Variants in MECOM observed in about 807,000 individuals in gnomAD.
The protein encoded by MECOM is histone-lysine N-methyltransferase MECOM.
In MECOM, 13 loss-of-function variants were observed where a neutral mutation model predicts 116.3. That is an observed-to-expected ratio of 0.11 (90% CI 0.07 to 0.18). The LOEUF is 0.18. Ranked by LOEUF, MECOM falls within the 10% of genes least tolerant of loss-of-function variation. MECOM has a pLI of 1.00. For missense variants in MECOM, 1,299 were observed against 1,509.0 expected (o/e 0.86, Z 2.31); for synonymous variants, 528 against 535.2 (o/e 0.99, Z 0.19).
At chr3:169,569,891 G>C (rs914631397) in intron 1 of MECOM, among the ~76,000 whole-genome samples, 4 of 152,060 alleles carry the variant, frequency 2.6e-5, no homozygotes, top group African/African-American at 9.7e-5. Context: ...GGAGAAAGCA[G>C]GAAAGATCTA....
intron 2 of MECOM, among the ~76,000 whole-genome samples, chr3:169,319,783 A>C (rs1388161001): frequency 6.6e-6 from 1 of 152,214 alleles, no homozygotes; most frequent in Non-Finnish European, 1.5e-5. Flanking sequence ...TACCTACTTC[A>C]GAGGGTTGTT....
chr3:169,384,973 G>T (rs1733068002), intron 1 of MECOM, among the ~76,000 whole-genome samples: 1 of 151,814 alleles, frequency 6.6e-6, no homozygotes, highest in South Asian at 2.1e-4. Context: ...GCATAGTGGT[G>T]CATGCCTGTA....
chr3:169,570,151 G>A (rs1229132719), intron 1 of MECOM, among the ~76,000 whole-genome samples: 1 of 151,956 alleles, frequency 6.6e-6, no homozygotes, highest in Admixed American at 6.6e-5. Flanking sequence ...TTATAAAGGG[G>A]ATATTATCAT....
intron 2 of MECOM, among the ~76,000 whole-genome samples, chr3:169,222,054 C>G (rs191846407): frequency 2.2e-4 from 34 of 152,274 alleles, no homozygotes; most frequent in Middle Eastern, 6.8e-3. Context: ...AGATCACTAG[C>G]TATGTTTCAA....
intron 2 of MECOM, among the ~76,000 whole-genome samples, chr3:169,368,546 T>C (rs527738020): frequency 4.2e-4 from 64 of 152,184 alleles, no homozygotes; most frequent in Admixed American, 1.5e-3. Context: ...CTACCTTCAT[T>C]TGATGAAACA....
At chr3:169,179,787 G>A (rs1037520432) in intron 2 of MECOM, among the ~76,000 whole-genome samples, 3 of 152,184 alleles carry the variant, frequency 2.0e-5, no homozygotes, top group Non-Finnish European at 4.4e-5. Flanking sequence ...AATTCAGCTC[G>A]TTAAAAGGAC....
chr3:169,559,126 G>A (rs751669094), intron 1 of MECOM, among the ~76,000 whole-genome samples: 2 of 151,950 alleles, frequency 1.3e-5, no homozygotes, highest in Admixed American at 1.3e-4. Context: ...TAGCAGGGGC[G>A]AAGTTTGGAT....
At chr3:169,400,806 T>A (rs1026291205) in intron 1 of MECOM, among the ~76,000 whole-genome samples, 8 of 152,220 alleles carry the variant, frequency 5.3e-5, no homozygotes, top group African/African-American at 1.9e-4. Context: ...CCATATGGGT[T>A]AATTCTCAGC....
At chr3:169,258,770 C>T (rs2149604240) in intron 2 of MECOM, among the ~76,000 whole-genome samples, 1 of 152,314 alleles carries the variant, frequency 6.6e-6, no homozygotes, top group Non-Finnish European at 1.5e-5. Flanking sequence ...TTGTTACAAA[C>T]ATTTTAAGTA....
chr3:169,199,410 G>A (rs985593373), intron 2 of MECOM, among the ~76,000 whole-genome samples: 1 of 151,884 alleles, frequency 6.6e-6, no homozygotes, highest in Non-Finnish European at 1.5e-5. Flanking sequence ...CTTTTCTTTT[G>A]TTTTCTTTCT....
At chr3:169,605,070 C>T (rs538986536) in intron 1 of MECOM, among the ~76,000 whole-genome samples, 2 of 152,186 alleles carry the variant, frequency 1.3e-5, no homozygotes, top group African/African-American at 2.4e-5. Flanking sequence ...CAACATTATA[C>T]GGATGGAAGG....
chr3:169,642,016 T>TTCCC (rs1195969016), intron 1 of MECOM, among the ~76,000 whole-genome samples: 1 of 152,216 alleles, frequency 6.6e-6, no homozygotes, highest in Non-Finnish European at 1.5e-5. Flanking sequence ...AACTAATACA[T>TTCCC]AGAGTATCAA....
intron 1 of MECOM, among the ~76,000 whole-genome samples, chr3:169,516,428 T>C (rs1756634902): frequency 1.3e-5 from 2 of 152,240 alleles, no homozygotes; most frequent in African/African-American, 4.8e-5. Context: ...ATACTATGAA[T>C]AGCGTACTCA....
intron 2 of MECOM, among the ~76,000 whole-genome samples, chr3:169,204,257 A>G (rs1430527814): frequency 6.6e-6 from 1 of 152,050 alleles, no homozygotes; most frequent in African/African-American, 2.4e-5. Flanking sequence ...AGCTTTGGTA[A>G]CTCTTTAGAA....
chr3:169,619,205 C>T (rs1190626375), intron 1 of MECOM, among the ~76,000 whole-genome samples: 2 of 152,190 alleles, frequency 1.3e-5, no homozygotes, highest in Admixed American at 1.3e-4. Context: ...GCCCTCACTC[C>T]GGGTGCACCG....
chr3:169,562,624 T>C (rs1762786487), intron 1 of MECOM, among the ~76,000 whole-genome samples: 1 of 152,102 alleles, frequency 6.6e-6, no homozygotes, highest in Admixed American at 6.5e-5. Context: ...TATTGAGTTA[T>C]CCAACCCACA....
rs1380233829 is a variant in MECOM at position 169,390,696 on chromosome 3, G to C, written c.38-9172C>G. 2.0e-5 allele frequency among the ~76,000 whole-genome samples: 3 copies of C among 152,152 alleles called. No individual in the cohort carries two copies. The South Asian group carries it at 6.2e-4, about 32-fold the overall frequency. ...TCATTCAGCTCTGCATGTGAAATGAGAGCCCCAACTTGTTTATTATAATTA... is the reference window on the plus strand; with the variant it reads ...TCATTCAGCTCTGCATGTGAAATGACAGCCCCAACTTGTTTATTATAATTA... On this transcript the variant is annotated intron_variant, in intron 1 of 16. Transcript: ENST00000651503.
rs759048415 is a variant in MECOM at position 169,095,073 on chromosome 3, T to A, written c.3019+3A>T. On this transcript the variant is annotated splice_donor_region_variant and intron_variant, in intron 13 of 16. Coordinates refer to ENST00000651503, the MANE Select transcript of MECOM (RefSeq NM_004991.4). ...TTGACTTATAACACAATTTATTACG[T>A]ACCGGACATGTTCCCATTCTCATGT... The A allele has an allele frequency of 6.3e-7, 1 of 1,594,250 alleles. No homozygotes were observed. Among genetic ancestry groups the A allele is most frequent in the South Asian group, 1.2e-5 (1 of 85,266 alleles).
intron 2 of MECOM, among the ~76,000 whole-genome samples, chr3:169,319,617 C>CA (rs1720489134): frequency 6.6e-6 from 1 of 151,796 alleles, no homozygotes; most frequent in Non-Finnish European, 1.5e-5. Flanking sequence ...CATATGGAAA[C>CA]AGATGTTAAC....
Sources: gnomAD v4.1 joint callset for allele counts (sites outside exome capture counted in the v4.1 genomes callset) on GRCh38, gnomAD v4.1.1 for gene constraint, MANE v1.5 for transcripts, NCBI Gene and HGNC (gene_info 2026-07-23, HGNC 2026-07-21) for gene names.